Variants in RTN4RL1 observed in about 807,000 individuals in gnomAD.
RTN4RL1 encodes the protein reticulon 4 receptor like 1.
RTN4RL1 carries 7 observed loss-of-function variants against 25.6 expected under a neutral mutation model. The observed-to-expected ratio is 0.27, with a 90% CI of 0.16 to 0.51. The LOEUF (loss-of-function observed/expected upper bound fraction) is 0.51. RTN4RL1 is among the 20% of genes least tolerant of loss of function. The pLI is 0.97. For missense variants in RTN4RL1, 500 were observed against 615.6 expected (o/e 0.81, Z 1.99); for synonymous variants, 297 against 288.2 (o/e 1.03, Z -0.31).
chr17:1,938,193 GGTT>G (rs1372889920), intron 1 of RTN4RL1, among the ~76,000 whole-genome samples: 2 of 152,210 alleles, frequency 1.3e-5, no homozygotes, highest in East Asian at 1.9e-4. Flanking sequence ...CTGTGCCGCT[GGTT>G]GTTGTTATCT....
At chr17:1,993,235 G>A (rs569936595) in intron 1 of RTN4RL1, among the ~76,000 whole-genome samples, 146 of 152,198 alleles carry the variant, frequency 9.6e-4, no homozygotes, top group African/African-American at 3.2e-3. Context: ...GTGACAGAGC[G>A]AAACTCTGTC....
chr17:2,023,167 C>T (rs1369445457), intron 1 of RTN4RL1, among the ~76,000 whole-genome samples: 3 of 152,228 alleles, frequency 2.0e-5, no homozygotes, highest in Non-Finnish European at 4.4e-5. Context: ...ACATGGCGGC[C>T]TCTCAGAGCT....
chr17:1,972,923 A>C (rs1450602668), intron 1 of RTN4RL1, among the ~76,000 whole-genome samples: 1 of 152,202 alleles, frequency 6.6e-6, no homozygotes, highest in Non-Finnish European at 1.5e-5. Flanking sequence ...CTGCAGATGA[A>C]GCAGCGGCCG....
chr17:1,962,117 TAAAA>T (rs71150837), intron 1 of RTN4RL1, among the ~76,000 whole-genome samples: 1 of 141,698 alleles, frequency 7.1e-6, no homozygotes, highest in Non-Finnish European at 1.5e-5. Context: ...CCCTATCTCT[TAAAA>T]AAAAAAAAAA....
chr17:1,967,248 G>GACAAAACAA (rs79177151), intron 1 of RTN4RL1, among the ~76,000 whole-genome samples: 1 of 151,706 alleles, frequency 6.6e-6, no homozygotes, highest in African/African-American at 2.4e-5. Flanking sequence ...CAGCAAATTC[G>GACAAAACAA]ACAAAACAAA....
At chr17:1,970,019 CT>C (rs59804703) in intron 1 of RTN4RL1, among the ~76,000 whole-genome samples, 22,289 of 71,842 alleles carry the variant, frequency 0.31, 1,701 homozygotes, top group East Asian at 0.37. Context: ...CTCTCTCTCT[CT>C]TTTTTTTTTT....
intron 1 of RTN4RL1, among the ~76,000 whole-genome samples, chr17:1,995,383 G>A (rs981429725): frequency 4.7e-5 from 7 of 147,456 alleles, no homozygotes; most frequent in African/African-American, 1.3e-4. Context: ...CCGAGATTGC[G>A]CCATTGCACT....
intron 1 of RTN4RL1, among the ~76,000 whole-genome samples, chr17:1,948,352 G>T (rs1191763452): frequency 6.6e-6 from 1 of 152,226 alleles, no homozygotes; most frequent in Non-Finnish European, 1.5e-5. Context: ...TTGCTCCCAG[G>T]TTTGGGGGCC....
intron 1 of RTN4RL1, among the ~76,000 whole-genome samples, chr17:1,946,618 G>A (rs78206652): frequency 1.5e-3 from 222 of 149,032 alleles, no homozygotes; most frequent in African/African-American, 5.4e-3. Flanking sequence ...ATGTGTGTCT[G>A]TGTGCACGTG....
rs1915300131 is a variant in RTN4RL1, at chr17:1,936,216, G to C, written c.*280C>G. The C allele has an allele frequency of 1.3e-5, 16 of 1,267,378 alleles. No individual in the cohort carries two copies. In the East Asian group the frequency reaches 5.5e-4, roughly 43 times the overall value. 78.5% of individuals were successfully genotyped at this position (1,267,378 alleles called of 1,614,324 possible). A position where few individuals can be genotyped will look rare whatever the true frequency, so the allele number is the denominator to read the frequency against. On this transcript the variant is annotated 3_prime_UTR_variant, in exon 2 of 2. Coordinates refer to ENST00000331238, the MANE Select transcript of RTN4RL1 (RefSeq NM_178568.4). ...ACTGTTGCCAGTGGAGGATGCACTT[G>C]GAGTGCCTTTTCCCACCTTGCCAGA...
intron 1 of RTN4RL1, among the ~76,000 whole-genome samples, chr17:1,938,530 C>T (rs947951902): frequency 4.0e-5 from 6 of 151,502 alleles, no homozygotes; most frequent in South Asian, 2.1e-4. Context: ...TCGAACTCCC[C>T]GCCTCAGGTG....
At chr17:1,977,373 C>T (rs1234549569) in intron 1 of RTN4RL1, among the ~76,000 whole-genome samples, 2 of 152,140 alleles carry the variant, frequency 1.3e-5, no homozygotes, top group African/African-American at 2.4e-5. Context: ...CCAGCAACGG[C>T]GGTGGTGACC....
intron 1 of RTN4RL1, among the ~76,000 whole-genome samples, chr17:2,016,613 G>A (rs918947754): frequency 6.6e-6 from 1 of 152,264 alleles, no homozygotes; most frequent in Non-Finnish European, 1.5e-5. Flanking sequence ...TTGCATACAG[G>A]GCTGCGGTGA....
chr17:1,937,984 G>T (rs1011979124), intron 1 of RTN4RL1, among the ~76,000 whole-genome samples, 176 bp from the exon 2 acceptor site: 1 of 152,234 alleles, frequency 6.6e-6, no homozygotes, highest in Non-Finnish European at 1.5e-5. Flanking sequence ...TCGGGGATGA[G>T]AGGCCTCCCC....
intron 1 of RTN4RL1, among the ~76,000 whole-genome samples, chr17:1,983,820 G>A (rs982126206): frequency 1.3e-5 from 2 of 152,160 alleles, no homozygotes; most frequent in East Asian, 3.9e-4. Context: ...GGGATTACAG[G>A]TGTGAGCCAC....
At chr17:2,019,593 G>A (rs2067173610) in intron 1 of RTN4RL1, 1 of 152,316 alleles carries the variant, frequency 6.6e-6, no homozygotes, top group African/African-American at 2.4e-5. Flanking sequence ...TTCCTCCTGA[G>A]ACTTCTTCTC....
Position 1,936,705 on chromosome 17 carries a change from GT to G in RTN4RL1, c.1116del (p.Lys372AsnfsTer95). The G allele has an allele frequency of 6.3e-7, 1 of 1,583,114 alleles. No individual in the cohort carries two copies. The highest frequency in any genetic ancestry group is 1.2e-5 in the South Asian group (1 of 85,622). On this transcript the variant is annotated frameshift_variant, in exon 2 of 2. Transcript: ENST00000331238. LOFTEE classifies it high-confidence loss of function. ...RNQISKAGAG[K>X]QAPELPDYAP... ...GCATAGTCTGGCAGCTCGGGGGCCT[GT>G]TTCCCGGCGCCCGCCTTAGAGATCT...
intron 1 of RTN4RL1, among the ~76,000 whole-genome samples, chr17:2,017,267 T>C (rs755564661): frequency 2.6e-5 from 4 of 152,212 alleles, no homozygotes; most frequent in Non-Finnish European, 5.9e-5. Flanking sequence ...GCTTTTGTCC[T>C]GATTTGGGAA....
In RTN4RL1 at chr17:1,935,626, C is replaced by G. The variant is rs1013503094; in HGVS notation, c.*870G>C. On this transcript the variant is annotated 3_prime_UTR_variant, in exon 2 of 2. Transcript: ENST00000331238. ...GAAATCACCAATACAATCCTTAGTT[C>G]AGCAAATACAGTTTTCTGTATAGTT... 102 of 980,570 alleles carry G rather than the reference C, an allele frequency of 1.0e-4. No individual in the cohort carries two copies. The highest frequency in any genetic ancestry group is 1.1e-4 in the Non-Finnish European group (95 of 827,474). 60.7% of individuals were successfully genotyped at this position (980,570 alleles called of 1,614,324 possible).
Sources: gnomAD v4.1 joint callset for allele counts (sites outside exome capture counted in the v4.1 genomes callset) on GRCh38, gnomAD v4.1.1 for gene constraint, MANE v1.5 for transcripts, NCBI Gene and HGNC (gene_info 2026-07-23, HGNC 2026-07-21) for gene names.